GALNT17: variants seen among roughly 807,000 people sequenced by gnomAD.
GALNT17 encodes the protein UDP-GalNAc:polypeptide N-acetylgalactosaminyltransferase-like 3.
In GALNT17, 29 loss-of-function variants were observed where a neutral mutation model predicts 63.7. The ratio of observed to expected loss-of-function variants is 0.46; its 90% CI spans 0.34 to 0.62. GALNT17 has a LOEUF of 0.62. GALNT17 is among the 20% of genes least tolerant of loss of function. The probability of loss-of-function intolerance (pLI) is 0.01; values close to 1 mark genes in which losing one functional copy is unlikely to be tolerated. For missense variants in GALNT17, 603 were observed against 799.6 expected (o/e 0.75, Z 2.97); for synonymous variants, 305 against 318.3 (o/e 0.96, Z 0.45).
rs563735283 is a variant in GALNT17, at chr7:71,225,011, C to T, written c.238+91971C>T. On this transcript the variant is annotated intron_variant, in intron 1 of 10. Coordinates refer to ENST00000333538, the MANE Select transcript of GALNT17 (RefSeq NM_022479.3). Reference sequence around the variant, plus strand: ...CTTTTTGAGACAGAGTCTCCCTCTGCCACCCAGGCTGGAGGGGCTTGATCT... The same window carrying T: ...CTTTTTGAGACAGAGTCTCCCTCTGTCACCCAGGCTGGAGGGGCTTGATCT... Among the ~76,000 whole-genome samples the T allele has an allele frequency of 3.9e-5, 6 of 152,210 alleles. No homozygotes were observed. In the South Asian group the frequency reaches 1.2e-3, roughly 32 times the overall value.
intron 1 of GALNT17, among the ~76,000 whole-genome samples, chr7:71,155,661 T>C (rs1035519122): frequency 2.0e-5 from 3 of 151,816 alleles, no homozygotes; most frequent in African/African-American, 7.3e-5. Context: ...AGACAGCCTG[T>C]TTCCATAAGA....
In GALNT17 at chr7:71,657,494, C is replaced by G. The variant is rs542155718; in HGVS notation, c.1081-7917C>G. 1.5e-4 allele frequency among the ~76,000 whole-genome samples: 23 copies of G among 152,248 alleles called. 1 individual carries two copies. The South Asian group carries it at 4.0e-3, about 26-fold the overall frequency. On this transcript the variant is annotated intron_variant, in intron 6 of 10. Coordinates refer to ENST00000333538, the MANE Select transcript of GALNT17 (RefSeq NM_022479.3). The stretch of plus-strand genomic sequence containing the variant: ...CTTTCCTCCCTGGCTGCCTAGGCTC[C>G]TCAGTGACAGGTGCCCAGGGGAGCA...
At chr7:71,453,493 A>G (rs1563104316) in intron 5 of GALNT17, among the ~76,000 whole-genome samples, 2 of 152,162 alleles carry the variant, frequency 1.3e-5, no homozygotes, top group Admixed American at 1.3e-4. Context: ...TTATAAAACC[A>G]TCAGATCTCA....
intron 1 of GALNT17, among the ~76,000 whole-genome samples, chr7:71,271,985 T>C (rs1433560420): frequency 6.6e-6 from 1 of 152,152 alleles, no homozygotes; most frequent in African/African-American, 2.4e-5. Flanking sequence ...TCTCAAACTC[T>C]TGGGCTCAAG....
At chr7:71,288,414 A>G (rs1483238912) in intron 1 of GALNT17, among the ~76,000 whole-genome samples, 1 of 151,890 alleles carries the variant, frequency 6.6e-6, no homozygotes, top group Non-Finnish European at 1.5e-5. Context: ...GGACCTGTGC[A>G]GTTCAAACCC....
intron 6 of GALNT17, among the ~76,000 whole-genome samples, chr7:71,615,536 G>A (rs1308431774): frequency 7.3e-6 from 1 of 137,688 alleles, no homozygotes; most frequent in Non-Finnish European, 1.5e-5. Context: ...GAATGTAGTG[G>A]CACAATCTTA....
Position 71,276,198 on chromosome 7 carries a change from C to A in GALNT17, c.239-59352C>A, listed in dbSNP as rs554985858. ...CTGTAAATGTCTGTGGAATGGCTGA[C>A]TGGCTAGCTGGGTGGGTAGCAGGGC... On this transcript the variant is annotated intron_variant, in intron 1 of 10. Transcript: ENST00000333538. Among the ~76,000 whole-genome samples the A allele has an allele frequency of 4.6e-5, 7 of 152,094 alleles. No individual in the cohort carries two copies. In the South Asian group the frequency reaches 1.5e-3, roughly 32 times the overall value.
chr7:71,216,502 G>C (rs527777377), intron 1 of GALNT17, among the ~76,000 whole-genome samples: 2 of 151,812 alleles, frequency 1.3e-5, no homozygotes, highest in African/African-American at 4.8e-5. Flanking sequence ...TACCTCCTAG[G>C]GGGTAATGTG....
chr7:71,207,593 C>T (rs1448962508), intron 1 of GALNT17, among the ~76,000 whole-genome samples: 6 of 152,132 alleles, frequency 3.9e-5, no homozygotes, highest in Admixed American at 2.0e-4. Flanking sequence ...GTAGGGTACA[C>T]GTCATGCCAC....
intron 6 of GALNT17, among the ~76,000 whole-genome samples, chr7:71,641,012 C>T (rs75430113): frequency 0.096 from 14,548 of 152,188 alleles, 2,129 homozygotes; most frequent in African/African-American, 0.32. Flanking sequence ...CCTCCCAAAG[C>T]CTGCTATATC....
chr7:71,139,630 A>G (rs1483762550), intron 1 of GALNT17, among the ~76,000 whole-genome samples: 1 of 152,054 alleles, frequency 6.6e-6, no homozygotes, highest in Non-Finnish European at 1.5e-5. Flanking sequence ...CTCCCTAGGC[A>G]AGGAGAGTGA....
chr7:71,235,142 T>C (rs1789863450), intron 1 of GALNT17, among the ~76,000 whole-genome samples: 1 of 151,718 alleles, frequency 6.6e-6, no homozygotes, highest in Non-Finnish European at 1.5e-5. Context: ...TCCCAGCTAC[T>C]CGGGAGGCTG....
At chr7:71,379,123 G>A (rs1310757245) in intron 2 of GALNT17, among the ~76,000 whole-genome samples, 2 of 152,176 alleles carry the variant, frequency 1.3e-5, no homozygotes, top group African/African-American at 4.8e-5. Context: ...CAAAGGAGAA[G>A]TGCCTGATAC....
chr7:71,311,839 C>G (rs767684019), intron 1 of GALNT17, among the ~76,000 whole-genome samples: 5 of 152,156 alleles, frequency 3.3e-5, no homozygotes, highest in Non-Finnish European at 5.9e-5. Context: ...TGCTGAGATG[C>G]AAGGAACATT....
At chr7:71,527,195 C>T (rs1788638542) in intron 5 of GALNT17, among the ~76,000 whole-genome samples, 1 of 152,056 alleles carries the variant, frequency 6.6e-6, no homozygotes. Context: ...TATATGAAAA[C>T]ATCACCCATA....
chr7:71,518,083 A>C (rs543725623), intron 5 of GALNT17, among the ~76,000 whole-genome samples: 372 of 152,336 alleles, frequency 2.4e-3, no homozygotes, highest in Non-Finnish European at 4.4e-3. Flanking sequence ...GAAGAAAAAG[A>C]GGACAGGGCC....
At chr7:71,326,885 G>A (rs1420160537) in intron 1 of GALNT17, among the ~76,000 whole-genome samples, 1 of 152,072 alleles carries the variant, frequency 6.6e-6, no homozygotes, top group African/African-American at 2.4e-5. Context: ...TTAATTCTCT[G>A]TGACATTCAT....
intron 5 of GALNT17, among the ~76,000 whole-genome samples, chr7:71,428,155 C>T (rs1319312027): frequency 1.3e-5 from 2 of 152,138 alleles, no homozygotes; most frequent in Non-Finnish European, 2.9e-5. Context: ...GCAATAAGAA[C>T]ATTCCCAGTG....
intron 5 of GALNT17, among the ~76,000 whole-genome samples, chr7:71,490,318 G>C (rs1330683692): frequency 6.6e-6 from 1 of 151,916 alleles, no homozygotes; most frequent in African/African-American, 2.4e-5. Flanking sequence ...CTCTGTGCCT[G>C]TTTTCGTCTC....
Sources: gnomAD v4.1 joint callset for allele counts (sites outside exome capture counted in the v4.1 genomes callset) on GRCh38, gnomAD v4.1.1 for gene constraint, MANE v1.5 for transcripts, NCBI Gene and HGNC (gene_info 2026-07-23, HGNC 2026-07-21) for gene names.